PGPEP1: variants seen among roughly 807,000 people sequenced by gnomAD.
The protein encoded by PGPEP1 is pyroglutamyl-peptidase 1.
Under a neutral mutation model 24.1 loss-of-function variants are expected in PGPEP1, and 15 were observed. The observed-to-expected ratio is 0.62, with a 90% CI of 0.42 to 0.96. The LOEUF (loss-of-function observed/expected upper bound fraction) is 0.96. PGPEP1 is among the 40% of genes least tolerant of loss of function. The pLI is 0.00. For missense variants in PGPEP1, 242 were observed against 273.4 expected (o/e 0.89, Z 0.81); for synonymous variants, 122 against 116.4 (o/e 1.05, Z -0.31).
In PGPEP1 at chr19:18,368,616, A is replaced by C. The variant is rs559176472; in HGVS notation, c.*5033A>C. On this transcript the variant is annotated 3_prime_UTR_variant, in exon 5 of 5. Coordinates refer to ENST00000269919, the MANE Select transcript of PGPEP1 (RefSeq NM_017712.4). ...AAGCAAGACCAGCTGGTATGTTTAC[A>C]CCTGCACTCCAGTGCCCTGGGGAGG... 2 of 152,818 alleles carry C rather than the reference A, an allele frequency of 1.3e-5. No homozygotes were observed. The highest frequency in any genetic ancestry group is 6.5e-5 in the Admixed American group (1 of 15,278). The allele number at this position is 152,818 out of a possible 1,614,324, so 9.5% of individuals were successfully genotyped here. A position where few individuals can be genotyped will look rare whatever the true frequency, so the allele number is the denominator to read the frequency against.
At chr19:18,342,997 C>CA in intron 2 of PGPEP1, 86 bp downstream of exon 2, 8 of 963,542 alleles carry the variant, frequency 8.3e-6, no homozygotes, top group African/African-American at 1.7e-5. Flanking sequence ...CCCCTTTTAA[C>CA]AAAAACTTTT....
intron 2 of PGPEP1, among the ~76,000 whole-genome samples, chr19:18,346,401 C>T (rs1568309476): frequency 6.6e-6 from 1 of 152,116 alleles, no homozygotes. Flanking sequence ...TTTTGTTCTG[C>T]ACTGTGGGTG....
chr19:18,340,690 G>T lies in PGPEP1; in HGVS notation c.9G>T (p.Gln3His). 1 of 1,542,298 alleles carries T rather than the reference G, an allele frequency of 6.5e-7. No individual in the cohort carries two copies. Residue 3 changes from glutamine to histidine, a missense_variant, in exon 1 of 5, where the codon CAG becomes CAT. Gln to His is a conservative substitution (Grantham distance 24, BLOSUM62 0). Transcript: ENST00000269919. Reference sequence around the variant, plus strand: ...CACAGCCCGATCCCGCCATGGAGCAGCCGAGGAAGGCGGTGGTAGTGACGG... The same window carrying T: ...CACAGCCCGATCCCGCCATGGAGCATCCGAGGAAGGCGGTGGTAGTGACGG... ME[Q>H]PRKAVVVTGF... is the part of the protein sequence containing the mutation.
In PGPEP1 at chr19:18,357,579, T is replaced by G. The variant is rs1195749904; in HGVS notation, c.401T>G (p.Leu134Arg). 1.2e-6 allele frequency: 2 copies of G among 1,611,656 alleles called. No homozygotes were observed. Among genetic ancestry groups the G allele is most frequent in the Non-Finnish European group, 1.7e-6 (2 of 1,178,994 alleles). The stretch of plus-strand genomic sequence containing the variant: ...TGCAAGCGAGTCACCACGTTGGGCC[T>G]GGATGTGTCGGTGACCATCTCGCAG... Reference protein sequence around the residue: ...AVCKRVTTLGLDVSVTISQDA... With the variant: ...AVCKRVTTLGRDVSVTISQDA... Residue 134 changes from leucine (L) to arginine (R), a missense_variant, in exon 4 of 5, where the codon CTG (leucine) becomes CGG (arginine). Transcript: ENST00000269919.
chr19:18,362,223 A>G (rs945786531), intron 4 of PGPEP1, among the ~76,000 whole-genome samples: 1 of 151,738 alleles, frequency 6.6e-6, no homozygotes. Context: ...CCTAGCCAAC[A>G]TGGTGAAACC....
In PGPEP1 at chr19:18,342,899, G is replaced by A; in HGVS notation, c.75G>A (p.Trp25Ter). 1 of 1,613,668 alleles carries A rather than the reference G, an allele frequency of 6.2e-7. No individual in the cohort carries two copies. Residue 25 changes from tryptophan (W) to a stop codon, truncating the protein, a stop_gained, in exon 2 of 5, where the codon TGG becomes TGA. Coordinates refer to ENST00000269919, the MANE Select transcript of PGPEP1 (RefSeq NM_017712.4). LOFTEE classifies it high-confidence loss of function. ...GGGAACACACCGTGAACGCCAGTTG[G>A]ATTGCAGTTCAGGTAACTTAGATCC... ...PFGEHTVNASWIAVQELEKLG... is the reference protein window; with the variant it reads ...PFGEHTVNAS
At chr19:18,352,628 G>T (rs867519808) in intron 2 of PGPEP1, among the ~76,000 whole-genome samples, 1 of 149,722 alleles carries the variant, frequency 6.7e-6, no homozygotes, top group Admixed American at 6.7e-5. Flanking sequence ...ATCTGGGCTC[G>T]CACTGCAACC....
At chr19:18,361,618 C>A in intron 4 of PGPEP1, 1 of 517,230 alleles carries the variant, frequency 1.9e-6, no homozygotes, top group South Asian at 8.4e-5. Context: ...AATTTTTAAT[C>A]ATAGGTAACT....
In PGPEP1 at chr19:18,364,833, T is replaced by C. The variant is rs898298363; in HGVS notation, c.*1250T>C. The C allele has an allele frequency of 6.6e-6, 1 of 152,120 alleles. No homozygotes were observed. Among genetic ancestry groups the C allele is most frequent in the Non-Finnish European group, 1.5e-5 (1 of 68,046 alleles). 9.4% of individuals were successfully genotyped at this position (152,120 alleles called of 1,614,324 possible). On this transcript the variant is annotated 3_prime_UTR_variant, in exon 5 of 5. Transcript: ENST00000269919. ...ATTTTGTCTGCTTTTGACTTTTCTT[T>C]TTTAATATGTAAAACTCCACATCAG...
chr19:18,350,123 C>T (rs1970976702), intron 2 of PGPEP1, among the ~76,000 whole-genome samples: 1 of 152,080 alleles, frequency 6.6e-6, no homozygotes, highest in Non-Finnish European at 1.5e-5. Context: ...CAAGTTCAAG[C>T]GATTCTCCTG....
chr19:18,352,419 A>G (rs1355570818), intron 2 of PGPEP1, among the ~76,000 whole-genome samples: 3 of 150,048 alleles, frequency 2.0e-5, no homozygotes, highest in Non-Finnish European at 4.4e-5. Flanking sequence ...ATGATTTTTG[A>G]TAATCCATCT....
chr19:18,350,705 C>T (rs747285479), intron 2 of PGPEP1, among the ~76,000 whole-genome samples: 28 of 152,172 alleles, frequency 1.8e-4, no homozygotes, highest in African/African-American at 3.9e-4. Flanking sequence ...CTGAGATCTC[C>T]GTATAGTAAT....
At position 18,364,169 on chromosome 19, in the gene PGPEP1, A is replaced by AG. The variant is rs1568321393; in HGVS notation, c.*586_*587insG. The AG allele has an allele frequency of 2.2e-5, 1 of 46,224 alleles. No homozygotes were observed. Among genetic ancestry groups the AG allele is most frequent in the Non-Finnish European group, 4.9e-5 (1 of 20,224 alleles). The allele number at this position is 46,224 out of a possible 1,614,324, so 2.9% of individuals were successfully genotyped here. On this transcript the variant is annotated 3_prime_UTR_variant, in exon 5 of 5. Transcript: ENST00000269919. ...TCTCTCTCTCTTTTTTTTTTTTTTT[A>AG]AATAGTGCTAGTTTGGGCACAGAGT...
At chr19:18,355,153 T>C (rs1971142113) in intron 2 of PGPEP1, among the ~76,000 whole-genome samples, 1 of 151,402 alleles carries the variant, frequency 6.6e-6, no homozygotes, top group Admixed American at 6.6e-5. Flanking sequence ...GTATTTTTAG[T>C]AGAGATGGGG....
In PGPEP1 at chr19:18,363,723, C is replaced by T; in HGVS notation, c.*140C>T. On this transcript the variant is annotated 3_prime_UTR_variant, in exon 5 of 5. Transcript: ENST00000269919. ...AAGAGAGATTCTGATCTGCCCACCT[C>T]CTCTTCCTCCTTCTCTACAAAAGCT... 4 of 575,344 alleles carry T rather than the reference C, an allele frequency of 7.0e-6. No individual in the cohort carries two copies. In the South Asian group the frequency reaches 8.4e-5, roughly 12 times the overall value. The allele number at this position is 575,344 out of a possible 1,614,324, so 35.6% of individuals were successfully genotyped here.
chr19:18,356,230 C>T (rs1427505193), intron 3 of PGPEP1, among the ~76,000 whole-genome samples: 3 of 147,768 alleles, frequency 2.0e-5, no homozygotes, highest in South Asian at 2.2e-4. Flanking sequence ...CTCAGGAGTT[C>T]GCAACCAGCC....
rs776545033 is a variant in PGPEP1 at position 18,357,582 on chromosome 19, A to C, written c.404A>C (p.Asp135Ala). Reference protein sequence around the residue: ...VCKRVTTLGLDVSVTISQDAG... With the variant: ...VCKRVTTLGLAVSVTISQDAG... Reference sequence around the variant, plus strand: ...AAGCGAGTCACCACGTTGGGCCTGGATGTGTCGGTGACCATCTCGCAGGAT... The same window carrying C: ...AAGCGAGTCACCACGTTGGGCCTGGCTGTGTCGGTGACCATCTCGCAGGAT... The change falls in exon 4 of 5, where the codon GAT becomes GCT. Residue 135 changes from aspartate to alanine, a missense_variant. By Grantham distance (126) the Asp-to-Ala change is moderately radical. Transcript: ENST00000269919. 2 of 1,611,548 alleles carry C rather than the reference A, an allele frequency of 1.2e-6. No individual in the cohort carries two copies. The highest frequency in any genetic ancestry group is 8.5e-7 in the Non-Finnish European group (1 of 1,178,902).
At chr19:18,346,619 G>A (rs999446465) in intron 2 of PGPEP1, among the ~76,000 whole-genome samples, 13 of 144,134 alleles carry the variant, frequency 9.0e-5, no homozygotes, top group African/African-American at 3.3e-4. Flanking sequence ...CTATCTGTGT[G>A]TGTCTGTTTC....
intron 2 of PGPEP1, among the ~76,000 whole-genome samples, chr19:18,353,854 G>A (rs777526996): frequency 2.0e-5 from 3 of 152,072 alleles, no homozygotes; most frequent in Non-Finnish European, 4.4e-5. Context: ...GTATTCCATC[G>A]GATGGATGGA....
Sources: gnomAD v4.1 joint callset for allele counts (sites outside exome capture counted in the v4.1 genomes callset) on GRCh38, gnomAD v4.1.1 for gene constraint, MANE v1.5 for transcripts, NCBI Gene and HGNC (gene_info 2026-07-23, HGNC 2026-07-21) for gene names.